DDX60L: variants seen among roughly 807,000 people sequenced by gnomAD.
DDX60L encodes the protein DExD/H-box 60 like.
In DDX60L, 191 loss-of-function variants were observed where a neutral mutation model predicts 211.6. The ratio of observed to expected loss-of-function variants is 0.90; its 90% confidence interval spans 0.80 to 1.02. The LOEUF is 1.02. DDX60L is among the 50% of genes least tolerant of loss of function. The pLI is 0.00. For missense variants in DDX60L, 2,007 were observed against 1,984.1 expected (o/e 1.01, Z -0.22); for synonymous variants, 706 against 694.1 (o/e 1.02, Z -0.27).
At chr4:168,367,601 G>T (rs1579180686) in intron 36 of DDX60L, among the ~76,000 whole-genome samples, 1 of 152,220 alleles carries the variant, frequency 6.6e-6, no homozygotes, top group Non-Finnish European at 1.5e-5. Flanking sequence ...ATGTGGAAGT[G>T]ACTTTGGAAC....
chr4:168,479,616 G>A (rs1048331706), intron 1 of DDX60L, among the ~76,000 whole-genome samples: 1 of 151,980 alleles, frequency 6.6e-6, no homozygotes, highest in Non-Finnish European at 1.5e-5. Context: ...AAAGAGAAGC[G>A]GGAAAAAAGA....
At chr4:168,369,527 G>T (rs900761731) in intron 36 of DDX60L, among the ~76,000 whole-genome samples, 2 of 149,722 alleles carry the variant, frequency 1.3e-5, no homozygotes, top group Non-Finnish European at 3.0e-5. Context: ...ATTGGACTGG[G>T]CAAGGATTTT....
intron 28 of DDX60L, 128 bp from the exon 29 acceptor site, chr4:168,391,772 C>A: frequency 1.9e-6 from 1 of 518,536 alleles, no homozygotes; most frequent in East Asian, 3.1e-5. Flanking sequence ...TTAAAACTAA[C>A]ATACTAACCC....
At chr4:168,380,067 A>G in intron 30 of DDX60L, 1 of 350,720 alleles carries the variant, frequency 2.9e-6, no homozygotes. Flanking sequence ...CTGGCAAATA[A>G]TCTGCTAAAT....
At chr4:168,412,274 T>C (rs964463216) in intron 22 of DDX60L, among the ~76,000 whole-genome samples, 2 of 152,018 alleles carry the variant, frequency 1.3e-5, no homozygotes, top group African/African-American at 4.8e-5. Flanking sequence ...AGTAGAGCAC[T>C]GAGCAGGCTC....
At chr4:168,396,213 T>G (rs922558340) in intron 26 of DDX60L, 89 bp from the exon 27 acceptor site, 1 of 778,420 alleles carries the variant, frequency 1.3e-6, no homozygotes, top group African/African-American at 1.8e-5. Context: ...AGATTTCCCT[T>G]GGTCATCCGA....
intron 7 of DDX60L, among the ~76,000 whole-genome samples, chr4:168,453,907 G>A (rs1756161760): frequency 6.6e-6 from 1 of 152,078 alleles, no homozygotes; most frequent in Non-Finnish European, 1.5e-5. Flanking sequence ...ATCGTGCATG[G>A]TCATTTGAAA....
intron 37 of DDX60L, among the ~76,000 whole-genome samples, chr4:168,358,681 G>A (rs1463097555): frequency 2.6e-5 from 4 of 151,498 alleles, no homozygotes; most frequent in Non-Finnish European, 5.9e-5. Context: ...ATAGGCACCC[G>A]GCTAATTTTT....
intron 19 of DDX60L, among the ~76,000 whole-genome samples, chr4:168,418,193 G>A (rs574244279): frequency 3.8e-4 from 58 of 152,180 alleles, no homozygotes; most frequent in African/African-American, 1.3e-3. Context: ...TCAGTCTCCC[G>A]AATAGCTGAG....
At chr4:168,376,744 C>T (rs549403141) in intron 33 of DDX60L, among the ~76,000 whole-genome samples, 1 of 152,322 alleles carries the variant, frequency 6.6e-6, no homozygotes, top group East Asian at 1.9e-4. Context: ...CCATGTACAC[C>T]TTGTGTTGTT....
intron 6 of DDX60L, among the ~76,000 whole-genome samples, chr4:168,457,261 T>TATAC (rs139881909): frequency 4.3e-4 from 63 of 145,308 alleles, no homozygotes; most frequent in Middle Eastern, 3.6e-3. Flanking sequence ...ATAAACTACA[T>TATAC]ACACACACAC....
At chr4:168,459,380 G>T (rs931097719) in intron 5 of DDX60L, among the ~76,000 whole-genome samples, 1 of 151,988 alleles carries the variant, frequency 6.6e-6, no homozygotes, top group Non-Finnish European at 1.5e-5. Context: ...CCCTAGTATT[G>T]CATTTTTAAG....
At chr4:168,455,248 C>A (rs59827604) in intron 7 of DDX60L, among the ~76,000 whole-genome samples, 2,595 of 144,884 alleles carry the variant, frequency 0.018, 89 homozygotes, top group African/African-American at 0.061. Context: ...TGAAACACAC[C>A]AATATCTAGA....
chr4:168,455,358 T>G (rs1464375683), intron 7 of DDX60L, among the ~76,000 whole-genome samples: 2 of 151,532 alleles, frequency 1.3e-5, no homozygotes. Context: ...CCTCAAAAGA[T>G]TCCTAAAGGG....
rs70961524 is a variant in DDX60L at position 168,459,774 on chromosome 4, GGGAAGGAAGGAAGGAAGGAA to G, written c.607-1786_607-1767del. Among the ~76,000 whole-genome samples the G allele has an allele frequency of 2.0e-3, 112 of 56,910 alleles. 1 individual carries two copies. Among genetic ancestry groups the G allele is most frequent in the African/African-American group, 5.7e-3 (98 of 17,104 alleles). The allele number at this position is 56,910 out of a possible 152,430, so 37.3% of individuals were successfully genotyped here. The stretch of plus-strand genomic sequence containing the variant: ...CCAAAGGGAGGGAAGGAAGGAAGGA[GGGAAGGAAGGAAGGAAGGAA>G]GGAAGGAAGGAAGGAAGGAAGGAGG... On this transcript the variant is annotated intron_variant, in intron 5 of 37. Coordinates refer to ENST00000682922, the MANE Select transcript of DDX60L (RefSeq NM_001012967.3).
intron 10 of DDX60L, 149 bp downstream of exon 10, chr4:168,441,188 A>G (rs1753778693): frequency 2.8e-6 from 2 of 706,742 alleles, no homozygotes; most frequent in Non-Finnish European, 4.6e-6. Flanking sequence ...CCACATTATT[A>G]TATGTATTTT....
At chr4:168,445,257 G>A (rs377319033) in intron 9 of DDX60L, among the ~76,000 whole-genome samples, 7 of 116,232 alleles carry the variant, frequency 6.0e-5, no homozygotes, top group African/African-American at 1.7e-4. Flanking sequence ...ACACCTCTAC[G>A]CAAATAAACT....
intron 13 of DDX60L, among the ~76,000 whole-genome samples, chr4:168,428,596 G>A (rs1371284443): frequency 6.6e-6 from 1 of 152,076 alleles, no homozygotes; most frequent in Non-Finnish European, 1.5e-5. Flanking sequence ...AAGTGCCATT[G>A]GTCATCAATA....
rs570923366 is a variant in DDX60L, at chr4:168,409,181, A to G, written c.2980-2475T>C. Among the ~76,000 whole-genome samples, 3 of 152,354 alleles carry G rather than the reference A, an allele frequency of 2.0e-5. No homozygotes were observed. The South Asian group carries it at 6.2e-4, about 32-fold the overall frequency. On this transcript the variant is annotated intron_variant, in intron 22 of 37. Transcript: ENST00000682922. ...AGTTGTCTAGTTACTTTACAAAAGT[A>G]AAGTATCACAGAGTAAAGAGCTGAG...
Sources: allele counts gnomAD v4.1 joint callset (sites outside exome capture counted in the v4.1 genomes callset), GRCh38; gene constraint gnomAD v4.1.1; transcripts MANE v1.5; gene names NCBI Gene and HGNC (gene_info 2026-07-23, HGNC 2026-07-21).